The following TPRG1 variants were observed in gnomAD, a reference collection of about 807,000 sequenced individuals.
The protein encoded by TPRG1 is tumor protein p63-regulated gene 1 protein.
Under a neutral mutation model 29.3 loss-of-function variants are expected in TPRG1, and 29 were observed. That is an observed-to-expected ratio of 0.99 (90% CI 0.74 to 1.35). The LOEUF (loss-of-function observed/expected upper bound fraction) is 1.35, where lower values mean the gene tolerates loss of function less well. Among genes scored for constraint, TPRG1 ranks in the 40% most tolerant of loss-of-function variants. The pLI is 0.00. For missense variants in TPRG1, 327 were observed against 335.0 expected (o/e 0.98, Z 0.19); for synonymous variants, 130 against 116.8 (o/e 1.11, Z -0.73).
intron 5 of TPRG1, among the ~76,000 whole-genome samples, chr3:189,153,016 C>A (rs1439720812): frequency 6.6e-6 from 1 of 152,202 alleles, no homozygotes; most frequent in Non-Finnish European, 1.5e-5. Context: ...TGTCTTAGAT[C>A]ACTTTAGAGG....
In TPRG1 at chr3:188,998,106, G is replaced by GA. The variant is rs1365111572; in HGVS notation, c.-1015-2666dup. 2.6e-5 allele frequency among the ~76,000 whole-genome samples: 4 copies of GA among 152,010 alleles called. No homozygotes were observed. The East Asian group carries it at 7.7e-4, about 29-fold the overall frequency. ...CTGGGAATTTGGTGGTTAAAAAAAAGAAGTGTTCTTGCTGCCATGAAACTT... is the reference window on the plus strand; with the variant it reads ...CTGGGAATTTGGTGGTTAAAAAAAAGAAAGTGTTCTTGCTGCCATGAAACTT... On this transcript the variant is annotated intron_variant, in intron 1 of 10. Coordinates refer to the TPRG1 transcript ENST00000433971.
chr3:189,198,452 A>G (rs1732922013), intron 1 of TPRG1, among the ~76,000 whole-genome samples: 1 of 152,184 alleles, frequency 6.6e-6, no homozygotes, highest in African/African-American at 2.4e-5. Flanking sequence ...ATGAGTTCCT[A>G]TGTGTGTCTG....
rs1737517568 is a variant in TPRG1, at chr3:189,225,043, TGCCTCA to T, written c.302+9666_302+9671del. On this transcript the variant is annotated intron_variant, in intron 3 of 5. Transcript: ENST00000345063. ...GCCTCCTGGGTTCACGCCATTCTCCTGCCTCAGCCTCCCAAGTAGCTGGGACTACAG... is the reference window on the plus strand; with the variant it reads ...GCCTCCTGGGTTCACGCCATTCTCCTGCCTCCCAAGTAGCTGGGACTACAG... 2.0e-5 allele frequency among the ~76,000 whole-genome samples: 3 copies of T among 151,856 alleles called. No individual in the cohort carries two copies. The South Asian group carries it at 6.3e-4, about 32-fold the overall frequency.
At chr3:189,223,072 A>G (rs1737180214) in intron 3 of TPRG1, among the ~76,000 whole-genome samples, 1 of 152,210 alleles carries the variant, frequency 6.6e-6, no homozygotes, top group African/African-American at 2.4e-5. Flanking sequence ...TCCTTGAGGC[A>G]GGGCCTGATT....
chr3:189,236,006 C>T (rs1739403242), intron 3 of TPRG1, among the ~76,000 whole-genome samples: 1 of 152,128 alleles, frequency 6.6e-6, no homozygotes, highest in South Asian at 2.1e-4. Flanking sequence ...CCACTTAAAG[C>T]TCAATGCTAT....
chr3:189,196,051 G>C (rs931945153), intron 1 of TPRG1, among the ~76,000 whole-genome samples: 1 of 152,142 alleles, frequency 6.6e-6, no homozygotes, highest in African/African-American at 2.4e-5. Flanking sequence ...GGTTTCTTTT[G>C]CTTCATAGGC....
intron 3 of TPRG1, among the ~76,000 whole-genome samples, chr3:189,221,643 A>G (rs57592439): frequency 0.13 from 19,174 of 152,232 alleles, 1,403 homozygotes; most frequent in African/African-American, 0.2. Flanking sequence ...TAAAAAGAAG[A>G]GCAGCCTGGG....
chr3:189,049,018 G>A (rs1002676573), intron 4 of TPRG1, among the ~76,000 whole-genome samples: 2 of 152,148 alleles, frequency 1.3e-5, no homozygotes, highest in African/African-American at 4.8e-5. Flanking sequence ...ACCCATTCCT[G>A]CATGGCACCA....
chr3:189,312,650 A>G (rs1263935778), intron 5 of TPRG1, among the ~76,000 whole-genome samples: 1 of 152,196 alleles, frequency 6.6e-6, no homozygotes, highest in African/African-American at 2.4e-5. Flanking sequence ...TATAAACTGC[A>G]GAGAAATAAC....
intron 4 of TPRG1, among the ~76,000 whole-genome samples, chr3:189,250,332 G>A (rs1015749381): frequency 1.3e-5 from 2 of 152,002 alleles, no homozygotes; most frequent in South Asian, 2.1e-4. Flanking sequence ...GAGGAATCCC[G>A]GGTTCTAGTC....
chr3:189,050,278 C>A (rs897998089), intron 4 of TPRG1, among the ~76,000 whole-genome samples: 6 of 151,844 alleles, frequency 4.0e-5, no homozygotes, highest in Non-Finnish European at 8.8e-5. Flanking sequence ...CACTGAAATA[C>A]AAAAGATCAT....
intron 1 of TPRG1, among the ~76,000 whole-genome samples, chr3:189,198,424 T>C (rs1732916761): frequency 6.6e-6 from 1 of 152,230 alleles, no homozygotes. Flanking sequence ...TGAGCTTCTA[T>C]AGATTAAAGA....
At chr3:189,237,077 G>C (rs775362471) in intron 3 of TPRG1, among the ~76,000 whole-genome samples, 58 of 152,170 alleles carry the variant, frequency 3.8e-4, no homozygotes, top group Non-Finnish European at 7.4e-4. Context: ...AAGGTTAAAA[G>C]TCCAATATTA....
chr3:189,151,376 A>T (rs1725911835), intron 5 of TPRG1, among the ~76,000 whole-genome samples: 1 of 152,176 alleles, frequency 6.6e-6, no homozygotes, highest in African/African-American at 2.4e-5. Context: ...TCATAATCTA[A>T]GTATATCAGA....
intron 4 of TPRG1, among the ~76,000 whole-genome samples, chr3:189,085,310 A>T (rs932116675): frequency 1.3e-5 from 2 of 152,244 alleles, no homozygotes; most frequent in African/African-American, 2.4e-5. Context: ...ATTCATAGAC[A>T]TGCAATTCAC....
intron 4 of TPRG1, among the ~76,000 whole-genome samples, chr3:189,070,067 G>A (rs547024783): frequency 2.0e-5 from 3 of 152,124 alleles, no homozygotes; most frequent in South Asian, 4.2e-4. Flanking sequence ...GTGACAGAGC[G>A]AGACTCCATT....
chr3:189,217,940 C>G (rs1736319996), intron 3 of TPRG1: 1 of 985,228 alleles, frequency 1.0e-6, no homozygotes, highest in African/African-American at 1.7e-5. Context: ...AATCCCAACT[C>G]CCCCAACAGC....
intron 3 of TPRG1, among the ~76,000 whole-genome samples, chr3:189,135,732 G>C (rs1174647693): frequency 6.6e-6 from 1 of 152,010 alleles, no homozygotes; most frequent in African/African-American, 2.4e-5. Context: ...TTTTTCCTCA[G>C]AGCATCTTCT....
In TPRG1 at chr3:189,253,069, A is replaced by T. The variant is rs1226598866; in HGVS notation, c.479+14160A>T. ...TTTTCCTTTTTTTAAATTATACTTT[A>T]AGTTCTGGGATACATGTGCAGAATG... On this transcript the variant is annotated intron_variant, in intron 4 of 5. Transcript: ENST00000345063. 3.3e-5 allele frequency among the ~76,000 whole-genome samples: 5 copies of T among 152,214 alleles called. No homozygotes were observed. The East Asian group carries it at 9.6e-4, about 29-fold the overall frequency.
Sources: allele counts gnomAD v4.1 joint callset (sites outside exome capture counted in the v4.1 genomes callset), GRCh38; gene constraint gnomAD v4.1.1; transcripts MANE v1.5; gene names NCBI Gene and HGNC (gene_info 2026-07-23, HGNC 2026-07-21).